The following HS3ST4 variants were observed in gnomAD, a reference collection of about 807,000 sequenced individuals.
The protein encoded by HS3ST4 is heparan sulfate glucosamine 3-O-sulfotransferase 4.
HS3ST4 carries 17 observed loss-of-function variants against 29.2 expected under a neutral mutation model. That is an observed-to-expected ratio of 0.58 (90% CI 0.40 to 0.87). The LOEUF (loss-of-function observed/expected upper bound fraction) is 0.87, where lower values mean the gene tolerates loss of function less well. Ranked by LOEUF, HS3ST4 falls within the 40% of genes least tolerant of loss-of-function variation. The probability of loss-of-function intolerance (pLI) is 0.00; values close to 1 mark genes in which losing one functional copy is unlikely to be tolerated. For synonymous variants in HS3ST4, 314 were observed against 285.7 expected, an observed-to-expected ratio of 1.10 and a Z score of -1.00; for missense variants, 627 against 634.5, an observed-to-expected ratio of 0.99 and a Z score of 0.13.
At position 26,134,362 on chromosome 16, in the gene HS3ST4, C is replaced by CTTTTCTTTT. The variant is rs750289979; in HGVS notation, c.735-1246_735-1245insCTTTTTTTT. Among the ~76,000 whole-genome samples the CTTTTCTTTT allele has an allele frequency of 5.6e-4, 43 of 76,660 alleles. 1 individual carries two copies. The highest frequency in any genetic ancestry group is 1.6e-3 in the African/African-American group (34 of 21,344). 50.3% of individuals were successfully genotyped at this position (76,660 alleles called of 152,430 possible). ...CTTTTCTTTTCTTTTCTTTTCTTTT[C>CTTTTCTTTT]TTTTTTTTTTTTTTGATTGAGATGG... On this transcript the variant is annotated intron_variant, in intron 1 of 1. Transcript: ENST00000331351.
At chr16:26,129,428 C>T (rs540558441) in intron 1 of HS3ST4, among the ~76,000 whole-genome samples, 1 of 152,346 alleles carries the variant, frequency 6.6e-6, no homozygotes, top group Admixed American at 6.5e-5. Flanking sequence ...GACTCCACCT[C>T]TTCTCGCTTT....
At chr16:25,888,844 C>T (rs1967980309) in intron 1 of HS3ST4, among the ~76,000 whole-genome samples, 1 of 152,186 alleles carries the variant, frequency 6.6e-6, no homozygotes, top group Non-Finnish European at 1.5e-5. Context: ...TGCTTGGAGG[C>T]CTGGAAGCTG....
intron 1 of HS3ST4, among the ~76,000 whole-genome samples, chr16:25,698,399 CT>C (rs924055942): frequency 6.6e-6 from 1 of 152,150 alleles, no homozygotes; most frequent in African/African-American, 2.4e-5. Flanking sequence ...CTTCGTGGCC[CT>C]ACAGAGTGTC....
At chr16:26,086,251 A>C (rs1898785290) in intron 1 of HS3ST4, among the ~76,000 whole-genome samples, 1 of 152,202 alleles carries the variant, frequency 6.6e-6, no homozygotes, top group Admixed American at 6.5e-5. Context: ...AAATATGAGA[A>C]TATGTCACAC....
At chr16:25,746,555 G>GT (rs60752235) in intron 1 of HS3ST4, among the ~76,000 whole-genome samples, 37,526 of 143,502 alleles carry the variant, frequency 0.26, 5,185 homozygotes, top group East Asian at 0.58. Context: ...CAATTGGTTG[G>GT]TTTTTTTTTT....
In HS3ST4 at chr16:25,972,490, T is replaced by C. The variant is rs889543451; in HGVS notation, c.735-163122T>C. ...TCAAGATTCCCTTCCTTGTGGGTTG[T>C]TGGACTAAGGGTCTCAGTTACTCCC... On this transcript the variant is annotated intron_variant, in intron 1 of 1. Coordinates refer to ENST00000331351, the MANE Select transcript of HS3ST4 (RefSeq NM_006040.3). Among the ~76,000 whole-genome samples, 6 of 152,330 alleles carry C rather than the reference T, an allele frequency of 3.9e-5. No homozygotes were observed. In the Middle Eastern group the frequency reaches 0.01, roughly 259 times the overall value.
intron 1 of HS3ST4, among the ~76,000 whole-genome samples, chr16:25,849,920 T>C (rs1967500903): frequency 1.3e-5 from 2 of 152,150 alleles, no homozygotes; most frequent in South Asian, 2.1e-4. Context: ...TAATTTAATT[T>C]AATTTTATTC....
chr16:25,715,008 C>T (rs2141586609), intron 1 of HS3ST4, among the ~76,000 whole-genome samples: 1 of 152,322 alleles, frequency 6.6e-6, no homozygotes, highest in South Asian at 2.1e-4. Flanking sequence ...CCCCCATGTA[C>T]TGATAGATAT....
At chr16:25,902,930 C>T (rs1384507785) in intron 1 of HS3ST4, among the ~76,000 whole-genome samples, 5 of 150,632 alleles carry the variant, frequency 3.3e-5, no homozygotes, top group African/African-American at 1.2e-4. Flanking sequence ...AGACCCTGTC[C>T]ATACAAAAAA....
chr16:25,752,863 A>G (rs1041108260), intron 1 of HS3ST4, among the ~76,000 whole-genome samples: 1 of 152,210 alleles, frequency 6.6e-6, no homozygotes, highest in Non-Finnish European at 1.5e-5. Flanking sequence ...GCAATTACAG[A>G]TAGAGTTTTT....
At chr16:25,715,632 GGAT>G (rs1229676266) in intron 1 of HS3ST4, among the ~76,000 whole-genome samples, 1 of 152,196 alleles carries the variant, frequency 6.6e-6, no homozygotes, top group African/African-American at 2.4e-5. Flanking sequence ...TAAGACTTGG[GGAT>G]TCACCGTGAG....
intron 1 of HS3ST4, among the ~76,000 whole-genome samples, chr16:25,865,797 G>A (rs139695744): frequency 6.6e-6 from 1 of 152,178 alleles, no homozygotes; most frequent in Non-Finnish European, 1.5e-5. Context: ...CAAACCCTTA[G>A]CTGACACCAT....
chr16:25,996,550 G>T (rs1969160751), intron 1 of HS3ST4, among the ~76,000 whole-genome samples: 1 of 152,004 alleles, frequency 6.6e-6, no homozygotes, highest in African/African-American at 2.4e-5. Context: ...CTATGCTCTA[G>T]TTACTGTCAT....
At chr16:25,880,355 A>G (rs1368434997) in intron 1 of HS3ST4, among the ~76,000 whole-genome samples, 1 of 152,176 alleles carries the variant, frequency 6.6e-6, no homozygotes, top group African/African-American at 2.4e-5. Context: ...CACTCAGTGA[A>G]TATTTGTTGA....
intron 1 of HS3ST4, among the ~76,000 whole-genome samples, chr16:26,034,557 C>A (rs1309179959): frequency 2.0e-5 from 3 of 152,042 alleles, no homozygotes; most frequent in African/African-American, 4.8e-5. Context: ...TACATGGCTT[C>A]CAGGTTGCTC....
At chr16:25,874,489 TCTA>T (rs1181849289) in intron 1 of HS3ST4, among the ~76,000 whole-genome samples, 1 of 152,152 alleles carries the variant, frequency 6.6e-6, no homozygotes, top group Non-Finnish European at 1.5e-5. Context: ...CATGGCCTCT[TCTA>T]CTGATGACTT....
In HS3ST4 at chr16:25,731,710, G is replaced by A. The variant is rs573566091; in HGVS notation, c.734+38559G>A. ...ATTATCTCCCAGGAGCTGGTCAAAA[G>A]TTGGTCCTTTCTTTGGAATGTGGAG... is the stretch of plus-strand genomic sequence containing the variant. On this transcript the variant is annotated intron_variant, in intron 1 of 1. Transcript: ENST00000331351. 5.2e-4 allele frequency among the ~76,000 whole-genome samples: 79 copies of A among 152,290 alleles called. No homozygotes were observed. The South Asian group carries it at 0.013, about 26-fold the overall frequency.
chr16:25,952,598 A>C (rs1968692413), intron 1 of HS3ST4, among the ~76,000 whole-genome samples: 1 of 152,202 alleles, frequency 6.6e-6, no homozygotes, highest in South Asian at 2.1e-4. Context: ...CTTAAGGATC[A>C]CAGGCACTCA....
At position 26,136,413 on chromosome 16, in the gene HS3ST4, G is replaced by A. The variant is rs1047499341; in HGVS notation, c.*165G>A. The A allele has an allele frequency of 2.9e-6, 2 of 679,370 alleles. No homozygotes were observed. The highest frequency in any genetic ancestry group is 2.4e-6 in the Non-Finnish European group (1 of 410,504). 42.1% of individuals were successfully genotyped at this position (679,370 alleles called of 1,614,324 possible). A position where few individuals can be genotyped will look rare whatever the true frequency, so the allele number is the denominator to read the frequency against. ...CAGTGCTGTTAGCTTAGGCAAACAG[G>A]TGGATCCCATGGCATCCCCATGGAG... On this transcript the variant is annotated 3_prime_UTR_variant, in exon 2 of 2. Coordinates refer to ENST00000331351, the MANE Select transcript of HS3ST4 (RefSeq NM_006040.3).
Sources: allele counts gnomAD v4.1 joint callset (sites outside exome capture counted in the v4.1 genomes callset), GRCh38; gene constraint gnomAD v4.1.1; transcripts MANE v1.5; gene names NCBI Gene and HGNC (gene_info 2026-07-23, HGNC 2026-07-21).